The following ANKRD62 variants were observed in gnomAD, a reference collection of about 807,000 sequenced individuals.
The protein encoded by ANKRD62 is ankyrin repeat domain 62.
ANKRD62 carries 61 observed loss-of-function variants against 98.8 expected under a neutral mutation model. The ratio of observed to expected loss-of-function variants is 0.62; its 90% CI spans 0.50 to 0.76. The LOEUF (loss-of-function observed/expected upper bound fraction) is 0.76, where lower values mean the gene tolerates loss of function less well. ANKRD62 is among the 30% of genes least tolerant of loss of function. ANKRD62 has a pLI of 0.00. For synonymous variants in ANKRD62, 341 were observed against 367.9 expected (o/e 0.93, Z 0.84); for missense variants, 933 against 1,082.9 (o/e 0.86, Z 1.94).
At chr18:12,137,527 T>A in the ANKRD62 span, among the ~76,000 whole-genome samples, 1 of 152,228 alleles carries the variant, frequency 6.6e-6, no homozygotes, top group African/African-American at 2.4e-5. Context: ...GTTGTGTCTC[T>A]GCCAGGCTTT....
At chr18:12,172,153 A>G in the ANKRD62 span, among the ~76,000 whole-genome samples, 1 of 152,178 alleles carries the variant, frequency 6.6e-6, no homozygotes, top group African/African-American at 2.4e-5. Context: ...CGTCAAAGTC[A>G]TTCTCCGTCC....
chr18:12,101,110 G>A (rs55918138), intron 6 of ANKRD62, among the ~76,000 whole-genome samples: 3 of 152,128 alleles, frequency 2.0e-5, no homozygotes, highest in Admixed American at 6.6e-5. Flanking sequence ...TCAGGATCAT[G>A]ATTTGCTATT....
chr18:12,135,742 G>T, the ANKRD62 span, among the ~76,000 whole-genome samples: 5 of 152,024 alleles, frequency 3.3e-5, no homozygotes, highest in Non-Finnish European at 5.9e-5. Context: ...ATTCTAACTG[G>T]TGTGAGATGG....
Position 12,115,331 on chromosome 18 carries a change from A to G in ANKRD62, c.1099-62A>G, listed in dbSNP as rs1909637801. 14 of 1,419,550 alleles carry G rather than the reference A, an allele frequency of 9.9e-6. No individual in the cohort carries two copies. The Admixed American group carries it at 2.2e-4, about 22-fold the overall frequency. 87.9% of individuals were successfully genotyped at this position (1,419,550 alleles called of 1,614,324 possible). On this transcript the variant is annotated intron_variant, in intron 9 of 13. Transcript: ENST00000587848. ...AAAGACGGATAATTCCCACTGGTGT[A>G]TATTTAGTATATGCTATAAATATTT...
chr18:12,097,927 C>G, intron 5 of ANKRD62, 150 bp downstream of exon 5: 1 of 915,180 alleles, frequency 1.1e-6, no homozygotes, highest in Non-Finnish European at 1.6e-6. Context: ...AGAAATCAAG[C>G]ATAAGACTAG....
intron 11 of ANKRD62, among the ~76,000 whole-genome samples, chr18:12,123,135 G>A (rs1909816831): frequency 6.6e-6 from 1 of 151,986 alleles, no homozygotes; most frequent in South Asian, 2.1e-4. Context: ...TGCAGCCTCT[G>A]CTTCCGGGTT....
At chr18:12,169,603 T>G in the ANKRD62 span, among the ~76,000 whole-genome samples, 1 of 152,196 alleles carries the variant, frequency 6.6e-6, no homozygotes, top group Non-Finnish European at 1.5e-5. Context: ...TCTTTTTTTG[T>G]TGTGTCTCTG....
chr18:12,096,068 A>G (rs1909175463), intron 3 of ANKRD62, 128 bp from the exon 4 acceptor site: 1 of 671,240 alleles, frequency 1.5e-6, no homozygotes. Context: ...TGGAGTGAGA[A>G]GGAAGGGATT....
At chr18:12,105,275 A>T (rs1171090470) in intron 7 of ANKRD62, among the ~76,000 whole-genome samples, 1 of 152,222 alleles carries the variant, frequency 6.6e-6, no homozygotes, top group Admixed American at 6.5e-5. Context: ...AGTACAAATA[A>T]CTATAAAAGA....
At chr18:12,173,317 T>C in the ANKRD62 span, among the ~76,000 whole-genome samples, 1,662 of 152,350 alleles carry the variant, frequency 0.011, 19 homozygotes, top group Middle Eastern at 0.054. Context: ...ATTGCAACCC[T>C]TGCTTTTTTC....
the ANKRD62 span, among the ~76,000 whole-genome samples, chr18:12,159,704 C>T: frequency 6.6e-6 from 1 of 152,152 alleles, no homozygotes; most frequent in Non-Finnish European, 1.5e-5. Flanking sequence ...TTAGACAGCA[C>T]ATGAGCTAAG....
rs1909555638 is a variant in ANKRD62 at position 12,112,113 on chromosome 18, A to AGG, written c.1065-2975_1065-2974insGG. The stretch of plus-strand genomic sequence containing the variant: ...CCGACAACAGCAAGACTCCAACTCA[A>AGG]AAAAAAAAAAAAAAAAAAAAGTCAT... On this transcript the variant is annotated intron_variant, in intron 8 of 13. Transcript: ENST00000587848. Among the ~76,000 whole-genome samples, 7 of 134,980 alleles carry AGG rather than the reference A, an allele frequency of 5.2e-5. No homozygotes were observed. The South Asian group carries it at 1.3e-3, about 25-fold the overall frequency. 88.6% of individuals were successfully genotyped at this position (134,980 alleles called of 152,430 possible).
rs1356373095 is a variant in ANKRD62 at position 12,095,552 on chromosome 18, A to C, written c.449A>C (p.Asn150Thr). 2 of 1,547,414 alleles carry C rather than the reference A, an allele frequency of 1.3e-6. No individual in the cohort carries two copies. The highest frequency in any genetic ancestry group is 1.7e-6 in the Non-Finnish European group (2 of 1,152,424). Residue 150 changes from asparagine (N) to threonine (T), a missense_variant, in exon 3 of 14, where the codon AAT becomes ACT. By Grantham distance (65) the Asn-to-Thr change is moderately conservative (BLOSUM62 0). Transcript: ENST00000587848. Reference protein sequence around the residue: ...TALHYAIDNENISMARKLLAY... With the variant: ...TALHYAIDNETISMARKLLAY... ...CTGCACTATGCCATTGATAATGAGA[A>C]TATATCAATGGCAAGAAAACTGCTT...
At chr18:12,133,479 C>T (rs1910036422), downstream of ANKRD62, among the ~76,000 whole-genome samples, 1 of 152,194 alleles carries the variant, frequency 6.6e-6, no homozygotes, top group Non-Finnish European at 1.5e-5. Context: ...TTCAACACAG[C>T]TGTACAATTT....
chr18:12,120,920 T>A (rs746944182), intron 10 of ANKRD62, among the ~76,000 whole-genome samples: 18 of 152,216 alleles, frequency 1.2e-4, no homozygotes, highest in Non-Finnish European at 2.5e-4. Context: ...TTATTTATTT[T>A]TTTTGTCCCA....
intron 8 of ANKRD62, among the ~76,000 whole-genome samples, chr18:12,114,257 A>G (rs1269424161): frequency 1.3e-5 from 2 of 152,220 alleles, no homozygotes; most frequent in African/African-American, 2.4e-5. Context: ...GTTTACATAT[A>G]TAACAAACTT....
the ANKRD62 span, among the ~76,000 whole-genome samples, chr18:12,161,935 A>G: frequency 6.6e-6 from 1 of 152,116 alleles, no homozygotes; most frequent in East Asian, 1.9e-4. Context: ...CTGTTGATGG[A>G]CACTTAGGTT....
chr18:12,134,806 A>G, the ANKRD62 span, among the ~76,000 whole-genome samples: 2 of 152,012 alleles, frequency 1.3e-5, no homozygotes, highest in Non-Finnish European at 2.9e-5. Context: ...CCAAGTCTTT[A>G]CTATTGTGAA....
chr18:12,168,787 T>A, the ANKRD62 span, among the ~76,000 whole-genome samples: 1 of 152,172 alleles, frequency 6.6e-6, no homozygotes, highest in Non-Finnish European at 1.5e-5. Context: ...TTCTTCCATT[T>A]GTTTGTGTCC....
Sources: allele counts gnomAD v4.1 joint callset (sites outside exome capture counted in the v4.1 genomes callset), GRCh38; gene constraint gnomAD v4.1.1; transcripts MANE v1.5; gene names NCBI Gene and HGNC (gene_info 2026-07-23, HGNC 2026-07-21).